Variants in PGAP1 observed in about 807,000 individuals in gnomAD.
PGAP1 encodes GPI inositol-deacylase.
PGAP1 carries 76 observed loss-of-function variants against 127.0 expected under a neutral mutation model. That is an observed-to-expected ratio of 0.60 (90% CI 0.50 to 0.72). PGAP1 has a LOEUF of 0.72. Ranked by LOEUF, PGAP1 falls within the 30% of genes least tolerant of loss-of-function variation. The probability of loss-of-function intolerance (pLI) is 0.00; values close to 1 mark genes in which losing one functional copy is unlikely to be tolerated. For missense variants in PGAP1, 982 were observed against 1,071.3 expected (o/e 0.92, Z 1.16); for synonymous variants, 362 against 366.5 (o/e 0.99, Z 0.14).
intron 13 of PGAP1, among the ~76,000 whole-genome samples, chr2:196,877,167 C>T (rs780292664): frequency 3.9e-5 from 6 of 151,944 alleles, no homozygotes; most frequent in Non-Finnish European, 8.8e-5. Context: ...ATTCAAAGGC[C>T]TGTCTCTGAA....
At chr2:196,926,312 G>A (rs143310775) in intron 1 of PGAP1, among the ~76,000 whole-genome samples, 158 bp downstream of exon 1, 1 of 151,850 alleles carries the variant, frequency 6.6e-6, no homozygotes, top group Non-Finnish European at 1.5e-5. Flanking sequence ...GGGCAGAAGG[G>A]GGATGCAGAG....
intron 2 of PGAP1, among the ~76,000 whole-genome samples, 160 bp from the exon 3 acceptor site, chr2:196,916,753 A>C (rs999859479): frequency 2.6e-5 from 4 of 152,224 alleles, no homozygotes; most frequent in Admixed American, 2.6e-4. Flanking sequence ...GAACAAACTA[A>C]TCTAGCAACT....
chr2:196,923,806 G>A lies in PGAP1; in HGVS notation c.147+2664C>T, dbSNP rs377677900. Among the ~76,000 whole-genome samples the A allele has an allele frequency of 2.1e-4, 32 of 152,034 alleles. No homozygotes were observed. In the East Asian group the frequency reaches 5.4e-3, roughly 26 times the overall value. On this transcript the variant is annotated intron_variant, in intron 1 of 26. Coordinates refer to ENST00000354764, the MANE Select transcript of PGAP1 (RefSeq NM_024989.4). ...CTCCTGAGTACCTGCGACTATAGAC[G>A]CACGCCAACATTTCCTTTCAGAGAG... is the stretch of plus-strand genomic sequence containing the variant.
chr2:196,891,438 C>G (rs1337376765), intron 9 of PGAP1, among the ~76,000 whole-genome samples: 1 of 152,104 alleles, frequency 6.6e-6, no homozygotes, highest in Non-Finnish European at 1.5e-5. Context: ...AGCTCAGGAA[C>G]TTAACTTGAA....
chr2:196,862,697 G>A (rs1205373910), intron 20 of PGAP1, among the ~76,000 whole-genome samples: 2 of 152,126 alleles, frequency 1.3e-5, no homozygotes, highest in Non-Finnish European at 2.9e-5. Context: ...CAACGCTTAG[G>A]GAAAATAGAA....
chr2:196,874,233 C>T (rs1172008912), intron 14 of PGAP1, among the ~76,000 whole-genome samples: 1 of 151,804 alleles, frequency 6.6e-6, no homozygotes, highest in Non-Finnish European at 1.5e-5. Flanking sequence ...AAAAAGTTCC[C>T]AATATTCAAA....
At chr2:196,919,085 T>C (rs1703101988) in intron 2 of PGAP1, among the ~76,000 whole-genome samples, 1 of 152,108 alleles carries the variant, frequency 6.6e-6, no homozygotes, top group Non-Finnish European at 1.5e-5. Flanking sequence ...TCTCCTCAAA[T>C]GTCATCTCCT....
At chr2:196,923,739 C>A (rs1703285134) in intron 1 of PGAP1, among the ~76,000 whole-genome samples, 1 of 151,694 alleles carries the variant, frequency 6.6e-6, no homozygotes, top group Non-Finnish European at 1.5e-5. Context: ...TGGCTCACTG[C>A]AACCTCCGCC....
intron 12 of PGAP1, among the ~76,000 whole-genome samples, 193 bp downstream of exon 12, chr2:196,885,231 A>T (rs940853653): frequency 1.3e-5 from 2 of 152,200 alleles, no homozygotes; most frequent in Non-Finnish European, 2.9e-5. Context: ...AAGTAAAAAA[A>T]ATATAAATAA....
chr2:196,853,884 A>G (rs1016903778), intron 20 of PGAP1, among the ~76,000 whole-genome samples: 3 of 147,528 alleles, frequency 2.0e-5, no homozygotes, highest in African/African-American at 7.5e-5. Context: ...ACCTTTTGAC[A>G]TATTTGGCAA....
In PGAP1 at chr2:196,912,985, T is replaced by C. The variant is rs551623105; in HGVS notation, c.546A>G (p.Ala182=). 23 of 1,614,000 alleles carry C rather than the reference T, an allele frequency of 1.4e-5. No homozygotes were observed. The African/African-American group carries it at 1.6e-4, about 11-fold the overall frequency. ...GHSMGGLVAR[A]LLTLKNFKHD... ...GCTTAAAATTTTTCAGTGTAAGCAA[T>C]GCTCTTGCAACAAGGCCACCCATAG... Residue 182 remains alanine (A), a synonymous_variant, in exon 4 of 27, where the codon GCA becomes GCG. Transcript: ENST00000354764.
chr2:196,849,129 C>T (rs1274655103), intron 20 of PGAP1, among the ~76,000 whole-genome samples: 1 of 152,110 alleles, frequency 6.6e-6, no homozygotes, highest in Non-Finnish European at 1.5e-5. Context: ...CCTAGATGTA[C>T]ATTCTATATG....
chr2:196,865,159 G>A, intron 19 of PGAP1, 79 bp from the exon 20 acceptor site: 2 of 762,340 alleles, frequency 2.6e-6, no homozygotes, highest in Non-Finnish European at 2.1e-6. Context: ...TTTAAAAGTT[G>A]CTCTTCAATT....
At chr2:196,868,788 T>C (rs1701321575) in intron 19 of PGAP1, among the ~76,000 whole-genome samples, 1 of 152,180 alleles carries the variant, frequency 6.6e-6, no homozygotes, top group Non-Finnish European at 1.5e-5. Flanking sequence ...CTGAAGTTTC[T>C]CTTTATTTTC....
At chr2:196,891,897 T>C (rs1313616732) in intron 9 of PGAP1, among the ~76,000 whole-genome samples, 1 of 151,952 alleles carries the variant, frequency 6.6e-6, no homozygotes, top group Non-Finnish European at 1.5e-5. Context: ...AAAAAGCAGC[T>C]AGATCCAGCT....
intron 7 of PGAP1, among the ~76,000 whole-genome samples, chr2:196,894,703 G>A (rs941817133): frequency 2.6e-5 from 4 of 152,294 alleles, no homozygotes; most frequent in African/African-American, 7.2e-5. Flanking sequence ...TCGGGAGGCT[G>A]AGGCAGAAGA....
intron 10 of PGAP1, among the ~76,000 whole-genome samples, chr2:196,886,788 C>G (rs1576156290): frequency 6.6e-6 from 1 of 152,002 alleles, no homozygotes; most frequent in Non-Finnish European, 1.5e-5. Flanking sequence ...ACCTCTGCCT[C>G]CTGGGTTCAA....
rs779641500 is a variant in PGAP1, at chr2:196,872,983, A to G, written c.1596T>C (p.Tyr532=). Residue 532 remains tyrosine (Y), a synonymous_variant, in exon 17 of 27, where the codon TAT becomes TAC. Coordinates refer to ENST00000354764, the MANE Select transcript of PGAP1 (RefSeq NM_024989.4). The part of the protein sequence containing the change: ...SIYRLHIPWS[Y]EDSLTIAQAP... The stretch of plus-strand genomic sequence containing the variant: ...ACTGTGCAATGGTTAGTGAATCTTC[A>G]TAAGACCAAGGAATATGAAGTCTAT... 1.9e-5 allele frequency: 21 copies of G among 1,080,890 alleles called. No individual in the cohort carries two copies. Among genetic ancestry groups the G allele is most frequent in the African/African-American group, 3.3e-5 (2 of 60,834 alleles). 67.0% of individuals were successfully genotyped at this position (1,080,890 alleles called of 1,614,324 possible).
At chr2:196,851,155 T>C (rs1479117879) in intron 20 of PGAP1, among the ~76,000 whole-genome samples, 1 of 150,320 alleles carries the variant, frequency 6.7e-6, no homozygotes, top group African/African-American at 2.4e-5. Context: ...TGTTTTTTTG[T>C]TTTTTTTAAA....
Sources: allele counts gnomAD v4.1 joint callset (sites outside exome capture counted in the v4.1 genomes callset), GRCh38; gene constraint gnomAD v4.1.1; transcripts MANE v1.5; gene names NCBI Gene and HGNC (gene_info 2026-07-23, HGNC 2026-07-21).